The following LPP variants were observed in gnomAD, a reference collection of about 807,000 sequenced individuals.
The protein encoded by LPP is lipoma-preferred partner.
Under a neutral mutation model 60.4 loss-of-function variants are expected in LPP, and 38 were observed. The observed-to-expected ratio is 0.63, with a 90% CI of 0.49 to 0.83. LPP has a LOEUF of 0.83. LPP is among the 40% of genes least tolerant of loss of function. The pLI is 0.00. For synonymous variants in LPP, 328 were observed against 290.8 expected (o/e 1.13, Z -1.30); for missense variants, 902 against 783.6 (o/e 1.15, Z -1.80).
At chr3:188,188,959 G>GGTT (rs3056803) in intron 1 of LPP, among the ~76,000 whole-genome samples, 9,533 of 152,266 alleles carry the variant, frequency 0.063, 439 homozygotes, top group East Asian at 0.17. Flanking sequence ...CTATGGAAAA[G>GGTT]ACCTAAGCTT....
At chr3:188,296,906 C>G (rs1748094838) in intron 2 of LPP, among the ~76,000 whole-genome samples, 1 of 152,212 alleles carries the variant, frequency 6.6e-6, no homozygotes, top group Non-Finnish European at 1.5e-5. Context: ...GGGTAACTCT[C>G]TGCCTCCTCA....
intron 9 of LPP, among the ~76,000 whole-genome samples, chr3:188,809,816 T>A (rs147353978): frequency 1.3e-5 from 2 of 152,236 alleles, no homozygotes; most frequent in East Asian, 3.9e-4. Flanking sequence ...GGTTTTGGGT[T>A]TTATATTTAA....
intron 8 of LPP, among the ~76,000 whole-genome samples, chr3:188,740,576 A>G (rs1483891333): frequency 6.6e-6 from 1 of 152,022 alleles, no homozygotes; most frequent in Non-Finnish European, 1.5e-5. Context: ...CTCATAACTT[A>G]CTTTAAATAT....
At chr3:188,590,790 G>C (rs1394104728) in intron 6 of LPP, among the ~76,000 whole-genome samples, 1 of 152,084 alleles carries the variant, frequency 6.6e-6, no homozygotes, top group Non-Finnish European at 1.5e-5. Flanking sequence ...AGTGTTGCTA[G>C]GTCTCTGGAA....
At chr3:188,249,639 T>C (rs1315910269) in intron 2 of LPP, among the ~76,000 whole-genome samples, 4 of 151,988 alleles carry the variant, frequency 2.6e-5, no homozygotes, top group Non-Finnish European at 4.4e-5. Flanking sequence ...CATTTTCCCC[T>C]CTCCTCTTTC....
chr3:188,249,379 G>T (rs1484832682), intron 2 of LPP, among the ~76,000 whole-genome samples: 1 of 151,648 alleles, frequency 6.6e-6, no homozygotes, highest in Admixed American at 6.6e-5. Flanking sequence ...GGCCTGGGAC[G>T]TCAAGGCTGC....
intron 1 of LPP, among the ~76,000 whole-genome samples, chr3:188,189,434 G>A (rs1727520418): frequency 6.6e-6 from 1 of 152,140 alleles, no homozygotes; most frequent in African/African-American, 2.4e-5. Flanking sequence ...GGCAGGCCAG[G>A]GCCCTCTCTC....
chr3:188,187,627 T>TC (rs997041574), intron 1 of LPP, among the ~76,000 whole-genome samples: 8 of 152,082 alleles, frequency 5.3e-5, no homozygotes, highest in Non-Finnish European at 7.4e-5. Flanking sequence ...AGCAACTTTT[T>TC]CTCTTATTTT....
rs1763093431 is a variant in LPP, at chr3:188,341,663, C to G, written c.-66C>G. On this transcript the variant is annotated splice_region_variant and 5_prime_UTR_variant, in exon 3 of 12. Coordinates refer to ENST00000617246, the MANE Select transcript of LPP (RefSeq NM_001375462.1). ...TACTTATTTCATTTGTAAACACTAG[C>G]ATTGCAGTTGGCTGAACCTTGTGTC... 3.1e-6 allele frequency: 3 copies of G among 982,580 alleles called. No homozygotes were observed. The highest frequency in any genetic ancestry group is 1.8e-5 in the African/African-American group (1 of 57,118). 60.9% of individuals were successfully genotyped at this position (982,580 alleles called of 1,614,324 possible).
At chr3:188,247,261 G>GAAA in intron 2 of LPP, 11 of 477,704 alleles carry the variant, frequency 2.3e-5, no homozygotes, top group Non-Finnish European at 2.7e-5. Context: ...ACTTTAGTGG[G>GAAA]AAAAAAAAAA....
At chr3:188,536,216 T>A (rs1000827537) in intron 6 of LPP, among the ~76,000 whole-genome samples, 4 of 152,032 alleles carry the variant, frequency 2.6e-5, no homozygotes. Context: ...TCCATGTTGG[T>A]CAGGGTGGCC....
rs1783453006 is a variant in LPP, at chr3:188,406,205, T to C, written c.85T>C (p.Phe29Leu). ...TGCACGGATGGAGACCACCCATTCCTTTGGGAACCCCAGCATTTCAGTGTC... is the reference window on the plus strand; with the variant it reads ...TGCACGGATGGAGACCACCCATTCCCTTGGGAACCCCAGCATTTCAGTGTC... ...VPARMETTHS[F>L]GNPSISVSTQ... Residue 29 changes from phenylalanine (F) to leucine (L), a missense_variant, in exon 4 of 12, where the codon TTT becomes CTT. Physicochemically the swap from Phe to Leu is conservative, Grantham distance 22. Transcript: ENST00000617246. 1 of 1,614,058 alleles carries C rather than the reference T, an allele frequency of 6.2e-7. No homozygotes were observed. The highest frequency in any genetic ancestry group is 1.7e-5 in the Admixed American group (1 of 60,006).
rs1389427433 is a variant in LPP, at chr3:188,385,346, T to TG, written c.-9-20759dup. 1.7e-4 allele frequency among the ~76,000 whole-genome samples: 26 copies of TG among 152,054 alleles called. 3 individuals are homozygous for TG. The highest frequency in any genetic ancestry group is 2.7e-4 in the African/African-American group (11 of 41,490). On this transcript the variant is annotated intron_variant, in intron 3 of 11. Coordinates refer to ENST00000617246, the MANE Select transcript of LPP (RefSeq NM_001375462.1). ...CTTGTTGGATGATTGAGTAAGCGTGTGGGGGGGTGTGAAGAGAGGGTTCAT... is the reference window on the plus strand; with the variant it reads ...CTTGTTGGATGATTGAGTAAGCGTGTGGGGGGGGTGTGAAGAGAGGGTTCAT...
At chr3:188,576,134 G>T (rs534662729) in intron 6 of LPP, among the ~76,000 whole-genome samples, 1 of 152,158 alleles carries the variant, frequency 6.6e-6, no homozygotes, top group Non-Finnish European at 1.5e-5. Flanking sequence ...TTTAAATCCA[G>T]ACTTGATTCA....
At position 188,572,281 on chromosome 3, in the gene LPP, C is replaced by T. The variant is rs958272727; in HGVS notation, c.430-36880C>T. Reference sequence around the variant, plus strand: ...AACAAACATGTAATATATATTCTAACGACAAAGCCCTATGTTATAATTTAA... The same window carrying T: ...AACAAACATGTAATATATATTCTAATGACAAAGCCCTATGTTATAATTTAA... On this transcript the variant is annotated intron_variant, in intron 6 of 11. Transcript: ENST00000617246. The surrounding 1 kb of genome is among the most constrained non-coding windows in gnomAD (Gnocchi z 4.1). 7.2e-5 allele frequency among the ~76,000 whole-genome samples: 11 copies of T among 152,058 alleles called. No individual in the cohort carries two copies. In the South Asian group the frequency reaches 1.5e-3, roughly 20 times the overall value.
intron 6 of LPP, among the ~76,000 whole-genome samples, chr3:188,535,428 T>C (rs750562625): frequency 1.3e-5 from 2 of 152,206 alleles, no homozygotes; most frequent in Non-Finnish European, 2.9e-5. Context: ...ATGAGAGGCA[T>C]ACAAATTTAT....
Position 188,621,863 on chromosome 3 carries a change from T to C in LPP, c.1113+12019T>C, listed in dbSNP as rs576698173. Among the ~76,000 whole-genome samples the C allele has an allele frequency of 2.0e-5, 3 of 152,266 alleles. No individual in the cohort carries two copies. The South Asian group carries it at 6.2e-4, about 32-fold the overall frequency. On this transcript the variant is annotated intron_variant, in intron 7 of 11. Transcript: ENST00000617246. ...TTAGTAGAGATGGGGTTTCGCATTG[T>C]TAGCCAGGCTGGTCTCAAACTCCTG...
chr3:188,684,401 C>T (rs1358401821), intron 7 of LPP, among the ~76,000 whole-genome samples: 1 of 152,182 alleles, frequency 6.6e-6, no homozygotes, highest in Non-Finnish European at 1.5e-5. Flanking sequence ...TTATGAAACA[C>T]CTATGTTCAC....
In LPP at chr3:188,182,218, C is replaced by G. The variant is rs546091856; in HGVS notation, c.-190+27966C>G. Among the ~76,000 whole-genome samples, 1 of 152,282 alleles carries G rather than the reference C, an allele frequency of 6.6e-6. No homozygotes were observed. The highest frequency in any genetic ancestry group is 1.9e-4 in the East Asian group (1 of 5,178). ...CTTCACAATGCCTACATTTAGATTGCAACTCCAGGCTTGCTCCTTGGGCCA... is the reference window on the plus strand; with the variant it reads ...CTTCACAATGCCTACATTTAGATTGGAACTCCAGGCTTGCTCCTTGGGCCA... On this transcript the variant is annotated intron_variant, in intron 1 of 11. Transcript: ENST00000617246. This position sits in a 1 kb window ranked among gnomAD's most constrained non-coding sequence, Gnocchi z 4.4.
Sources: gnomAD v4.1 joint callset for allele counts (sites outside exome capture counted in the v4.1 genomes callset) on GRCh38, gnomAD v4.1.1 for gene constraint, Gnocchi (gnomAD v3.1) non-coding constraint, MANE v1.5 for transcripts, NCBI Gene and HGNC (gene_info 2026-07-23, HGNC 2026-07-21) for gene names.